FAT4: variants seen among roughly 807,000 people sequenced by gnomAD.
The protein encoded by FAT4 is protocadherin Fat 4.
In FAT4, 84 loss-of-function variants were observed where a neutral mutation model predicts 303.9. The ratio of observed to expected loss-of-function variants is 0.28; its 90% CI spans 0.23 to 0.33. The LOEUF (loss-of-function observed/expected upper bound fraction) is 0.33, where lower values mean the gene tolerates loss of function less well. Among genes scored for constraint, FAT4 ranks in the 10% least tolerant of loss-of-function variants. The pLI, the probability that FAT4 is intolerant of heterozygous loss-of-function variation, is 1.00. For synonymous variants in FAT4, 2,307 were observed against 2,298.8 expected, an observed-to-expected ratio of 1.00 and a Z score of -0.10; for missense variants, 6,005 against 6,146.8, an observed-to-expected ratio of 0.98 and a Z score of 0.77.
At chr4:125,443,937 C>G (rs1197813624) in intron 8 of FAT4, among the ~76,000 whole-genome samples, 4 of 151,984 alleles carry the variant, frequency 2.6e-5, no homozygotes, top group Non-Finnish European at 4.4e-5. Context: ...AAATTTTCAT[C>G]CAACTGGTGT....
In FAT4 at chr4:125,318,008, ACCACTGGGT is replaced by A. The variant is rs1208439664; in HGVS notation, c.1600_1608del (p.Thr534_Ser536del). On this transcript the variant is annotated inframe_deletion, in exon 2 of 18. Coordinates refer to ENST00000394329, the MANE Select transcript of FAT4 (RefSeq NM_001291303.3). ...TATCAGTGAACATAGCGGCCTCGTG[ACCACTGGGT>A]CCTCTGGGGGCCTGGACCGTGAACT... The A allele has an allele frequency of 6.2e-7, 1 of 1,614,172 alleles. No individual in the cohort carries two copies. The highest frequency in any genetic ancestry group is 1.1e-5 in the South Asian group (1 of 91,078).
intron 2 of FAT4, among the ~76,000 whole-genome samples, chr4:125,335,517 G>T (rs1731537277): frequency 6.6e-6 from 1 of 151,882 alleles, no homozygotes; most frequent in African/African-American, 2.4e-5. Context: ...AATGGCCTAA[G>T]TAAATGTATT....
chr4:125,485,919 C>A (rs1201847201), intron 16 of FAT4, among the ~76,000 whole-genome samples: 1 of 151,948 alleles, frequency 6.6e-6, no homozygotes, highest in Non-Finnish European at 1.5e-5. Flanking sequence ...TAAATAAAAC[C>A]AAGCAAAAAT....
At position 125,487,348 on chromosome 4, in the gene FAT4, A is replaced by G. The variant is rs750914931; in HGVS notation, c.12826A>G (p.Lys4276Glu). Residue 4276 changes from lysine (K) to glutamate (E), a missense_variant, in exon 17 of 18, where the codon AAG (lysine) becomes GAG (glutamate). By Grantham distance (56) the Lys-to-Glu change is moderately conservative. Coordinates refer to ENST00000394329, the MANE Select transcript of FAT4 (RefSeq NM_001291303.3). ...CTATTTTTAATATGTTTTACAGATT[A>G]AGAATGGCAAAGTATATTTTACATC... ...ESSNYTTVKI[K>E]NGKVYFTSDA... 6 of 1,610,070 alleles carry G rather than the reference A, an allele frequency of 3.7e-6. No individual in the cohort carries two copies. Among genetic ancestry groups the G allele is most frequent in the Middle Eastern group, 3.3e-4 (2 of 6,050 alleles).
At chr4:125,335,756 A>G (rs6849785) in intron 2 of FAT4, among the ~76,000 whole-genome samples, 77,372 of 151,424 alleles carry the variant, frequency 0.51, 20,493 homozygotes, top group Non-Finnish European at 0.59. Context: ...TATATTTGAA[A>G]GTCAGAATAG....
chr4:125,435,657 T>G (rs1234423448), intron 8 of FAT4, among the ~76,000 whole-genome samples: 1 of 152,164 alleles, frequency 6.6e-6, no homozygotes, highest in Non-Finnish European at 1.5e-5. Flanking sequence ...TCTCGTTGTT[T>G]TATCTAAGAA....
At chr4:125,444,805 T>C (rs942332623) in intron 8 of FAT4, among the ~76,000 whole-genome samples, 1 of 152,074 alleles carries the variant, frequency 6.6e-6, no homozygotes, top group Non-Finnish European at 1.5e-5. Flanking sequence ...TATTAAATTA[T>C]TTGATTATTT....
chr4:125,422,585 G>T (rs1375184782), intron 7 of FAT4, among the ~76,000 whole-genome samples: 1 of 152,170 alleles, frequency 6.6e-6, no homozygotes, highest in African/African-American at 2.4e-5. Context: ...CGCTGTGATT[G>T]TAAGTTTCTT....
Position 125,319,286 on chromosome 4 carries a change from G to A in FAT4, c.2875G>A (p.Ala959Thr), listed in dbSNP as rs777499848. 3 of 1,614,138 alleles carry A rather than the reference G, an allele frequency of 1.9e-6. No homozygotes were observed. Among genetic ancestry groups the A allele is most frequent in the Non-Finnish European group, 8.5e-7 (1 of 1,180,008 alleles). The change falls in exon 2 of 18, where the codon GCT (alanine) becomes ACT (threonine). Residue 959 changes from alanine to threonine, a missense_variant. Physicochemically the swap from Ala to Thr is moderately conservative, Grantham distance 58. Transcript: ENST00000394329. ...TCTGCTTGGGCCCCTGGATGTTCAT[G>A]CTGGCTCCTACCAAATAGAGATCTT... ...ISLLGPLDVHAGSYQIEILAS... is the reference protein window; with the variant it reads ...ISLLGPLDVHTGSYQIEILAS...
rs1197209983 is a variant in FAT4, at chr4:125,318,775, C to G, written c.2364C>G (p.Asp788Glu). 6.2e-7 allele frequency: 1 copy of G among 1,614,144 alleles called. No homozygotes were observed. Among genetic ancestry groups the G allele is most frequent in the South Asian group, 1.1e-5 (1 of 91,074 alleles). ...CCATCACTGTATTGGACACTCAAGA[C>G]AACCCACCTGTATTCAGTCAGGTTG... ...IVTITVLDTQ[D>E]NPPVFSQVAY... Residue 788 changes from aspartate (D) to glutamate (E), a missense_variant, in exon 2 of 18, where the codon GAC becomes GAG. Physicochemically the swap from Asp to Glu is conservative, Grantham distance 45. Coordinates refer to ENST00000394329, the MANE Select transcript of FAT4 (RefSeq NM_001291303.3).
rs1730554240 is a variant in FAT4 at position 125,315,768 on chromosome 4, A to T, written c.-222A>T. On this transcript the variant is annotated 5_prime_UTR_variant, in exon 1 of 18. Transcript: ENST00000394329. Reference sequence around the variant, plus strand: ...CGCAGTTCCCGAACTGCCTGCGCGCAGACGCCGCCGCCTGGGCCTCAGCGG... The same window carrying T: ...CGCAGTTCCCGAACTGCCTGCGCGCTGACGCCGCCGCCTGGGCCTCAGCGG... 6.6e-6 allele frequency among the ~76,000 whole-genome samples: 1 copy of T among 152,158 alleles called. No individual in the cohort carries two copies. Among genetic ancestry groups the T allele is most frequent in the Admixed American group, 6.5e-5 (1 of 15,282 alleles).
chr4:125,490,659 C>G lies in FAT4; in HGVS notation c.13843C>G (p.Pro4615Ala). ...CATCCCCAGCGCCCCTTTGGCATCTCCAGAGCAGGAGATAGAGCACTATGA... is the reference window on the plus strand; with the variant it reads ...CATCCCCAGCGCCCCTTTGGCATCTGCAGAGCAGGAGATAGAGCACTATGA... ...ETIPSAPLAS[P>A]EQEIEHYDID... Residue 4615 changes from proline to alanine, a missense_variant, in exon 18 of 18, where the codon CCA becomes GCA. Transcript: ENST00000394329. 6.2e-7 allele frequency: 1 copy of G among 1,614,146 alleles called. No homozygotes were observed. The highest frequency in any genetic ancestry group is 8.5e-7 in the Non-Finnish European group (1 of 1,180,018).
At chr4:125,385,024 ATT>A (rs70960372) in intron 2 of FAT4, among the ~76,000 whole-genome samples, 9,171 of 93,918 alleles carry the variant, frequency 0.098, 345 homozygotes, top group Middle Eastern at 0.15. Flanking sequence ...ATATATATAT[ATT>A]TTTTTTTTTT....
At chr4:125,409,405 C>T (rs190792218) in intron 5 of FAT4, among the ~76,000 whole-genome samples, 4 of 152,066 alleles carry the variant, frequency 2.6e-5, no homozygotes, top group Admixed American at 2.0e-4. Context: ...TATAGGCATG[C>T]ACCACCACGC....
chr4:125,446,017 G>GT (rs1725813117), intron 8 of FAT4: 1 of 255,170 alleles, frequency 3.9e-6, no homozygotes, highest in Admixed American at 5.0e-5. Context: ...AGCCTTAGGG[G>GT]TTTGTTTGGT....
At chr4:125,418,409 C>G (rs935401717) in intron 7 of FAT4, among the ~76,000 whole-genome samples, 1 of 152,064 alleles carries the variant, frequency 6.6e-6, no homozygotes, top group Non-Finnish European at 1.5e-5. Context: ...TTTAAACTCT[C>G]ATCATATTTT....
At chr4:125,421,265 A>C (rs1177544423) in intron 7 of FAT4, among the ~76,000 whole-genome samples, 1 of 152,198 alleles carries the variant, frequency 6.6e-6, no homozygotes, top group African/African-American at 2.4e-5. Context: ...TTCCCAAAGC[A>C]AACAATTGTG....
intron 14 of FAT4, 188 bp downstream of exon 14, chr4:125,477,522 AAT>A (rs1403817943): frequency 1.6e-5 from 7 of 425,534 alleles, no homozygotes; most frequent in African/African-American, 7.0e-5. Context: ...TTAGAAAATT[AAT>A]ATGTTTCTAG....
At chr4:125,405,666 T>C (rs1305369257) in intron 3 of FAT4, among the ~76,000 whole-genome samples, 6 of 151,672 alleles carry the variant, frequency 4.0e-5, no homozygotes, top group Non-Finnish European at 8.8e-5. Context: ...TACTGGCTAA[T>C]GTTTTGAATT....
Sources: gnomAD v4.1 joint callset for allele counts (sites outside exome capture counted in the v4.1 genomes callset) on GRCh38, gnomAD v4.1.1 for gene constraint, MANE v1.5 for transcripts, NCBI Gene and HGNC (gene_info 2026-07-23, HGNC 2026-07-21) for gene names.